Variants in C4orf54 observed in about 807,000 individuals in gnomAD.
C4orf54 encodes the protein chromosome 4 open reading frame 54.
Under a neutral mutation model 80.1 loss-of-function variants are expected in C4orf54, and 67 were observed. The ratio of observed to expected loss-of-function variants is 0.84; its 90% CI spans 0.69 to 1.03. The LOEUF (loss-of-function observed/expected upper bound fraction) is 1.03, where lower values mean the gene tolerates loss of function less well. Among genes scored for constraint, C4orf54 ranks in the 50% least tolerant of loss-of-function variants. The pLI is 0.00. For missense variants in C4orf54, 2,434 were observed against 2,253.5 expected (o/e 1.08, Z -1.62); for synonymous variants, 1,000 against 917.0 (o/e 1.09, Z -1.64).
chr4:99,653,043 C>A lies in C4orf54; in HGVS notation c.1606G>T (p.Val536Leu), dbSNP rs1445912981. ...ASRAINEPSN[V>L]RAKQNIIYAA... is the part of the protein sequence containing the mutation. ...TAAATAATGTTTTGCTTTGCACGCA[C>A]GTTGCTAGGCTCATTTATAGCCCGG... Residue 536 changes from valine to leucine, a missense_variant, in exon 2 of 3, where the codon GTG (valine) becomes TTG (leucine). By Grantham distance (32) the Val-to-Leu change is conservative. Transcript: ENST00000511828. 3 of 1,536,042 alleles carry A rather than the reference C, an allele frequency of 2.0e-6. No individual in the cohort carries two copies. The African/African-American group carries it at 4.1e-5, about 21-fold the overall frequency.
chr4:99,653,836 G>C lies in C4orf54; in HGVS notation c.813C>G (p.Ser271=), dbSNP rs557526296. The C allele has an allele frequency of 6.5e-7, 1 of 1,536,202 alleles. No individual in the cohort carries two copies. Among genetic ancestry groups the C allele is most frequent in the Admixed American group, 2.0e-5 (1 of 51,002 alleles). ...CTTCTGCTTTGTTCATCGGGGAGGA[G>C]GATGAGGAAGATGAGAAATTGCCAC... The part of the protein sequence containing the change: ...EEGGNFSSSS[S]SSPMNKAEED... Residue 271 remains serine, a synonymous_variant, in exon 2 of 3, where the codon TCC becomes TCG. Transcript: ENST00000511828.
rs1726830550 is a variant in C4orf54, at chr4:99,651,646, G to T, written c.3003C>A (p.Asp1001Glu). The change falls in exon 2 of 3, where the codon GAC (aspartate) becomes GAA (glutamate). Residue 1001 changes from aspartate to glutamate, a missense_variant. Coordinates refer to ENST00000511828, the MANE Select transcript of C4orf54 (RefSeq NM_001354435.2). ...FVPNIQQTPK[D>E]KQPRKQATKY... Reference sequence around the variant, plus strand: ...TGGTGGCCTGCTTCCTCGGCTGCTTGTCCTTGGGTGTCTGCTGGATGTTGG... The same window carrying T: ...TGGTGGCCTGCTTCCTCGGCTGCTTTTCCTTGGGTGTCTGCTGGATGTTGG... 6.5e-7 allele frequency: 1 copy of T among 1,535,962 alleles called. No homozygotes were observed. Among genetic ancestry groups the T allele is most frequent in the African/African-American group, 1.4e-5 (1 of 73,000 alleles).
chr4:99,647,560 G>A (rs1726721531), intron 2 of C4orf54, among the ~76,000 whole-genome samples: 2 of 152,094 alleles, frequency 1.3e-5, no homozygotes, highest in African/African-American at 2.4e-5. Context: ...CACAGTGTCT[G>A]TTGCAGACTA....
In C4orf54 at chr4:99,650,831, T is replaced by C. The variant is rs1301096993; in HGVS notation, c.3818A>G (p.Asn1273Ser). ...SMEELYSFNR[N>S]EWKRKSDPLP... ...GGGGTCGCTTTTGCGCTTCCACTCG[T>C]TCCTGTTGAAGCTGTACAGCTCTTC... Residue 1273 changes from asparagine to serine, a missense_variant, in exon 2 of 3, where the codon AAC becomes AGC. Coordinates refer to ENST00000511828, the MANE Select transcript of C4orf54 (RefSeq NM_001354435.2). 1 of 1,536,216 alleles carries C rather than the reference T, an allele frequency of 6.5e-7. No homozygotes were observed.
At chr4:99,648,473 A>T (rs74407987) in intron 2 of C4orf54, among the ~76,000 whole-genome samples, 10,932 of 152,166 alleles carry the variant, frequency 0.072, 619 homozygotes, top group African/African-American at 0.16. Context: ...CAGTCTGGAC[A>T]GGACTGGATT....
In C4orf54 at chr4:99,641,097, T is replaced by C. The variant is rs1430200934; in HGVS notation, c.*136A>G. On this transcript the variant is annotated 3_prime_UTR_variant, in exon 3 of 3. Coordinates refer to ENST00000511828, the MANE Select transcript of C4orf54 (RefSeq NM_001354435.2). ...GCTTATAAGAAGCAAAAATTAAGAA[T>C]AACACATGTGGAAGAAGTTTTTCAG... 1.3e-5 allele frequency: 2 copies of C among 152,084 alleles called. No homozygotes were observed. The highest frequency in any genetic ancestry group is 1.3e-4 in the Admixed American group (2 of 15,268). The allele number at this position is 152,084 out of a possible 1,614,324, so 9.4% of individuals were successfully genotyped here.
rs1253830201 is a variant in C4orf54 at position 99,651,443 on chromosome 4, C to T, written c.3206G>A (p.Ser1069Asn). The change falls in exon 2 of 3, where the codon AGC becomes AAC. Residue 1069 changes from serine (S) to asparagine (N), a missense_variant. Coordinates refer to ENST00000511828, the MANE Select transcript of C4orf54 (RefSeq NM_001354435.2). ...SNLFKTIEDN[S>N]RAQQKLFRGD... ...GCGGAAGAGTTTCTGCTGTGCCCTGCTGTTGTCCTCGATGGTCTTGAACAG... is the reference window on the plus strand; with the variant it reads ...GCGGAAGAGTTTCTGCTGTGCCCTGTTGTTGTCCTCGATGGTCTTGAACAG... 1.2e-5 allele frequency: 18 copies of T among 1,536,184 alleles called. No individual in the cohort carries two copies. The highest frequency in any genetic ancestry group is 1.6e-5 in the Non-Finnish European group (18 of 1,146,930).
Position 99,641,031 on chromosome 4 carries a change from T to A in C4orf54, c.*202A>T, listed in dbSNP as rs757054414. 5.3e-5 allele frequency: 8 copies of A among 152,112 alleles called. No individual in the cohort carries two copies. The highest frequency in any genetic ancestry group is 2.1e-4 in the South Asian group (1 of 4,832). The allele number at this position is 152,112 out of a possible 1,614,324, so 9.4% of individuals were successfully genotyped here. A position where few individuals can be genotyped will look rare whatever the true frequency, so the allele number is the denominator to read the frequency against. ...AATAAAATTAAAATAAAAACTGCCTTAAGAGGATTGTTCAGAAAAATATAG... is the reference window on the plus strand; with the variant it reads ...AATAAAATTAAAATAAAAACTGCCTAAAGAGGATTGTTCAGAAAAATATAG... On this transcript the variant is annotated 3_prime_UTR_variant, in exon 3 of 3. Transcript: ENST00000511828.
chr4:99,653,687 TCTC>T lies in C4orf54; in HGVS notation c.959_961del (p.Gly320del), dbSNP rs1487160336. 1 of 1,526,748 alleles carries T rather than the reference TCTC, an allele frequency of 6.5e-7. No individual in the cohort carries two copies. Among genetic ancestry groups the T allele is most frequent in the Non-Finnish European group, 8.8e-7 (1 of 1,141,914 alleles). 94.6% of individuals were successfully genotyped at this position (1,526,748 alleles called of 1,614,324 possible). ...CCCTCCTCCTGATATTTTCTCTCCTTCTCCTCCCACGGCCTGGCAACCTTCACT... is the reference window on the plus strand; with the variant it reads ...CCCTCCTCCTGATATTTTCTCTCCTTCTCCCACGGCCTGGCAACCTTCACT... On this transcript the variant is annotated inframe_deletion, in exon 2 of 3. Transcript: ENST00000511828.
chr4:99,639,509 C>A lies in C4orf54; in HGVS notation c.*1724G>T, dbSNP rs549204819. The A allele has an allele frequency of 6.6e-6, 1 of 152,124 alleles. No homozygotes were observed. Among genetic ancestry groups the A allele is most frequent in the South Asian group, 2.1e-4 (1 of 4,822 alleles). 9.4% of individuals were successfully genotyped at this position (152,124 alleles called of 1,614,324 possible). A position where few individuals can be genotyped will look rare whatever the true frequency, so the allele number is the denominator to read the frequency against. The stretch of plus-strand genomic sequence containing the variant: ...TTTCTTGAATTTGGCACAAGGGCAT[C>A]TTTTTTATACACAGAGACTATGTTT... On this transcript the variant is annotated 3_prime_UTR_variant, in exon 3 of 3. Coordinates refer to ENST00000511828, the MANE Select transcript of C4orf54 (RefSeq NM_001354435.2).
At chr4:99,645,681 A>C (rs545184507) in intron 2 of C4orf54, among the ~76,000 whole-genome samples, 2 of 152,296 alleles carry the variant, frequency 1.3e-5, no homozygotes, top group South Asian at 4.1e-4. Context: ...TCTAAAAAAA[A>C]ATTCTCACTA....
Position 99,650,417 on chromosome 4 carries a change from A to G in C4orf54, c.4232T>C (p.Val1411Ala). The G allele has an allele frequency of 1.3e-6, 2 of 1,535,970 alleles. No individual in the cohort carries two copies. The highest frequency in any genetic ancestry group is 1.7e-6 in the Non-Finnish European group (2 of 1,146,862). Residue 1411 changes from valine to alanine, a missense_variant, in exon 2 of 3, where the codon GTC becomes GCC. By Grantham distance (64) the Val-to-Ala change is moderately conservative (BLOSUM62 0). Coordinates refer to ENST00000511828, the MANE Select transcript of C4orf54 (RefSeq NM_001354435.2). ...AGGCCCTTGTGGGAACTTGCCAGCGACACCCCCAGTTTTCTGGATGCTGCT... is the reference window on the plus strand; with the variant it reads ...AGGCCCTTGTGGGAACTTGCCAGCGGCACCCCCAGTTTTCTGGATGCTGCT... ...SASSIQKTGGVAGKFPQGPSP... is the reference protein window; with the variant it reads ...SASSIQKTGGAAGKFPQGPSP...
At chr4:99,645,406 A>C in intron 2 of C4orf54, among the ~76,000 whole-genome samples, 1 of 136,870 alleles carries the variant, frequency 7.3e-6, no homozygotes, top group Non-Finnish European at 1.5e-5. Flanking sequence ...ACAAAGGCTT[A>C]CAGTAAAAAA....
chr4:99,647,421 C>A (rs964887263), intron 2 of C4orf54, among the ~76,000 whole-genome samples: 1 of 152,140 alleles, frequency 6.6e-6, no homozygotes, highest in Non-Finnish European at 1.5e-5. Flanking sequence ...TTTCCTTCTG[C>A]GAAACTAATT....
At position 99,650,781 on chromosome 4, in the gene C4orf54, C is replaced by A. The variant is rs1208623880; in HGVS notation, c.3868G>T (p.Val1290Leu). Reference sequence around the variant, plus strand: ...TCCTCACTGGCAATGAGCGACAGCACGTGGCTGTCCATCATCATAGGCAAG... The same window carrying A: ...TCCTCACTGGCAATGAGCGACAGCAAGTGGCTGTCCATCATCATAGGCAAG... ...DPLPMMMDSH[V>L]LSLIASEERE... Residue 1290 changes from valine (V) to leucine (L), a missense_variant, in exon 2 of 3, where the codon GTG (valine) becomes TTG (leucine). By Grantham distance (32) the Val-to-Leu change is conservative. Coordinates refer to ENST00000511828, the MANE Select transcript of C4orf54 (RefSeq NM_001354435.2). 1.3e-6 allele frequency: 2 copies of A among 1,536,174 alleles called. No individual in the cohort carries two copies. Among genetic ancestry groups the A allele is most frequent in the East Asian group, 4.9e-5 (2 of 40,914 alleles).
chr4:99,646,045 G>C (rs762478547), intron 2 of C4orf54, among the ~76,000 whole-genome samples: 12 of 151,956 alleles, frequency 7.9e-5, no homozygotes, highest in Non-Finnish European at 1.5e-4. Flanking sequence ...TTTAATAAAG[G>C]AACATTTATA....
chr4:99,652,983 C>G lies in C4orf54; in HGVS notation c.1666G>C (p.Val556Leu), dbSNP rs1428979859. 4.6e-6 allele frequency: 7 copies of G among 1,536,072 alleles called. No individual in the cohort carries two copies. The highest frequency in any genetic ancestry group is 6.1e-6 in the Non-Finnish European group (7 of 1,146,926). ...AKHEGDMSLR[V>L]STAAEHNSSS... is the part of the protein sequence containing the mutation. ...GAATTGTGTTCAGCAGCTGTAGAGA[C>G]GCGGAGGCTCATGTCGCCTTCATGC... The change falls in exon 2 of 3, where the codon GTC becomes CTC. Residue 556 changes from valine to leucine, a missense_variant. Val to Leu is a conservative substitution (Grantham distance 32, BLOSUM62 1). Transcript: ENST00000511828.
rs1298407511 is a variant in C4orf54, at chr4:99,651,504, G to A, written c.3145C>T (p.Leu1049Phe). Reference protein sequence around the residue: ...PSSDFNIAKLLTPKLAGGSAS... With the variant: ...PSSDFNIAKLFTPKLAGGSAS... ...CTGCCACCGGCCAGCTTGGGCGTGA[G>A]CAACTTGGCAATGTTGAAGTCTGAG... The change falls in exon 2 of 3, where the codon CTC (leucine) becomes TTC (phenylalanine). Residue 1049 changes from leucine to phenylalanine, a missense_variant. By Grantham distance (22) the Leu-to-Phe change is conservative. Coordinates refer to ENST00000511828, the MANE Select transcript of C4orf54 (RefSeq NM_001354435.2). 9 of 1,536,100 alleles carry A rather than the reference G, an allele frequency of 5.9e-6. No individual in the cohort carries two copies. The Admixed American group carries it at 9.8e-5, about 17-fold the overall frequency.
Position 99,653,663 on chromosome 4 carries a change from C to A in C4orf54, c.986G>T (p.Gly329Val), listed in dbSNP as rs548563942. 1.2e-5 allele frequency: 19 copies of A among 1,525,164 alleles called. No homozygotes were observed. The African/African-American group carries it at 2.3e-4, about 19-fold the overall frequency. The allele number at this position is 1,525,164 out of a possible 1,614,324, so 94.5% of individuals were successfully genotyped here. ...TCCCCCTCCTCCTTTTCCTCCTCCC[C>A]CTCCTCCTGATATTTTCTCTCCTTC... ...GGEGEKISGG[G>V]GGGKGGGGGG... Residue 329 changes from glycine to valine, a missense_variant, in exon 2 of 3, where the codon GGG becomes GTG. Gly to Val is a moderately radical substitution (Grantham distance 109). Transcript: ENST00000511828.
Sources: gnomAD v4.1 joint callset for allele counts (sites outside exome capture counted in the v4.1 genomes callset) on GRCh38, gnomAD v4.1.1 for gene constraint, MANE v1.5 for transcripts, NCBI Gene and HGNC (gene_info 2026-07-23, HGNC 2026-07-21) for gene names.